Variants in ARHGEF38 observed in about 807,000 individuals in gnomAD.
The protein encoded by ARHGEF38 is Rho guanine nucleotide exchange factor (GEF) 38.
In ARHGEF38, 79 loss-of-function variants were observed where a neutral mutation model predicts 79.9. The ratio of observed to expected loss-of-function variants is 0.99; its 90% confidence interval spans 0.82 to 1.19. ARHGEF38 has a LOEUF of 1.19. Ranked by LOEUF, ARHGEF38 falls within the 50% of genes most tolerant of loss-of-function variation. The pLI, the probability that ARHGEF38 is intolerant of heterozygous loss-of-function variation, is 0.00. For missense variants in ARHGEF38, 962 were observed against 907.2 expected (o/e 1.06, Z -0.78); for synonymous variants, 366 against 328.3 (o/e 1.11, Z -1.24).
At chr4:105,560,915 A>G (rs1451262681) in intron 1 of ARHGEF38, among the ~76,000 whole-genome samples, 1 of 152,174 alleles carries the variant, frequency 6.6e-6, no homozygotes, top group Non-Finnish European at 1.5e-5. Flanking sequence ...GTTGATGAAG[A>G]CATTGTTTAC....
chr4:105,579,995 CT>C (rs1726704031), intron 1 of ARHGEF38, among the ~76,000 whole-genome samples: 1 of 152,166 alleles, frequency 6.6e-6, no homozygotes, highest in South Asian at 2.1e-4. Context: ...TCCATTTCAT[CT>C]AGATTTTCTA....
intron 1 of ARHGEF38, among the ~76,000 whole-genome samples, chr4:105,573,567 TTC>T (rs1459972457): frequency 1.3e-5 from 2 of 152,330 alleles, no homozygotes; most frequent in East Asian, 3.9e-4. Context: ...TGGTTCTTTA[TTC>T]TGTTTCATTA....
At chr4:105,560,670 G>A (rs561595164) in intron 1 of ARHGEF38, among the ~76,000 whole-genome samples, 2 of 152,150 alleles carry the variant, frequency 1.3e-5, no homozygotes, top group Non-Finnish European at 2.9e-5. Flanking sequence ...TAAATGAATA[G>A]TCTAAGATAC....
At chr4:105,583,422 G>A (rs1578277524) in intron 1 of ARHGEF38, among the ~76,000 whole-genome samples, 1 of 152,204 alleles carries the variant, frequency 6.6e-6, no homozygotes, top group South Asian at 2.1e-4. Flanking sequence ...TCTGCTTCCT[G>A]TTCCTTAAAT....
At position 105,678,620 on chromosome 4, in the gene ARHGEF38, C is replaced by T. The variant is rs1731199369; in HGVS notation, c.*683C>T. 1 of 152,098 alleles carries T rather than the reference C, an allele frequency of 6.6e-6. No individual in the cohort carries two copies. Among genetic ancestry groups the T allele is most frequent in the Admixed American group, 6.6e-5 (1 of 15,266 alleles). 9.4% of individuals were successfully genotyped at this position (152,098 alleles called of 1,614,324 possible). A position where few individuals can be genotyped will look rare whatever the true frequency, so the allele number is the denominator to read the frequency against. On this transcript the variant is annotated 3_prime_UTR_variant, in exon 14 of 14. Coordinates refer to ENST00000420470, the MANE Select transcript of ARHGEF38 (RefSeq NM_001242729.2). ...GTTCTAAGTGCTTTATATGTAGTAA[C>T]TTGTTTAATATTCAAAACATTATGA...
intron 1 of ARHGEF38, among the ~76,000 whole-genome samples, chr4:105,573,866 C>A (rs898345509): frequency 6.6e-6 from 1 of 151,948 alleles, no homozygotes; most frequent in Admixed American, 6.5e-5. Context: ...CATATCTTCT[C>A]ATGTATTTAT....
At position 105,631,027 on chromosome 4, in the gene ARHGEF38, A is replaced by T. The variant is rs1009661747; in HGVS notation, c.638A>T (p.His213Leu). ...GAAGAGCTGAAGGAACATTTGAGCC[A>T]CTGTATCCAGTCCTTAAAGTAAGGC... is the stretch of plus-strand genomic sequence containing the variant. ...KEEELKEHLS[H>L]CIQSLKKIYM... Residue 213 changes from histidine to leucine, a missense_variant, in exon 4 of 14, where the codon CAC becomes CTC. Coordinates refer to ENST00000420470, the MANE Select transcript of ARHGEF38 (RefSeq NM_001242729.2). The T allele has an allele frequency of 4.3e-6, 7 of 1,613,292 alleles. No individual in the cohort carries two copies. In the African/African-American group the frequency reaches 9.3e-5, roughly 22 times the overall value.
At chr4:105,561,469 A>AGAATAGAATAGAATAGAATG (rs1725585127) in intron 1 of ARHGEF38, 1 of 49,660 alleles carries the variant, frequency 2.0e-5, no homozygotes, top group Non-Finnish European at 4.1e-5. Context: ...AGAATAGAAT[A>AGAATAGAATAGAATAGAATG]GAATAGAATA....
chr4:105,608,353 T>A (rs1728144082), intron 2 of ARHGEF38, among the ~76,000 whole-genome samples: 1 of 152,074 alleles, frequency 6.6e-6, no homozygotes, highest in Admixed American at 6.6e-5. Context: ...ACCACTTTTA[T>A]GTCTTCTTTT....
intron 1 of ARHGEF38, among the ~76,000 whole-genome samples, chr4:105,573,763 A>C (rs115439980): frequency 0.027 from 4,081 of 152,122 alleles, 180 homozygotes; most frequent in African/African-American, 0.091. Context: ...TCTACAAAAA[A>C]AAATTGGAAT....
chr4:105,563,211 A>G (rs1454779841), intron 1 of ARHGEF38: 1 of 152,228 alleles, frequency 6.6e-6, no homozygotes, highest in Non-Finnish European at 1.5e-5. Context: ...CAAATAAAGC[A>G]ATATAGGAGC....
chr4:105,669,973 T>C (rs1730905168), intron 13 of ARHGEF38, among the ~76,000 whole-genome samples: 1 of 152,228 alleles, frequency 6.6e-6, no homozygotes, highest in African/African-American at 2.4e-5. Flanking sequence ...ATATGTACTT[T>C]GTTGCTTTTT....
intron 13 of ARHGEF38, among the ~76,000 whole-genome samples, chr4:105,670,861 T>C (rs1730935659): frequency 6.6e-6 from 1 of 152,196 alleles, no homozygotes; most frequent in South Asian, 2.1e-4. Flanking sequence ...GATGTTGAGT[T>C]CTTGTTCTTA....
chr4:105,596,362 T>C (rs1727579688), intron 2 of ARHGEF38, among the ~76,000 whole-genome samples: 2 of 152,088 alleles, frequency 1.3e-5, no homozygotes, highest in Non-Finnish European at 1.5e-5. Flanking sequence ...TTCCTGCTTG[T>C]GCCCCCCACC....
chr4:105,611,957 A>G (rs1728313100), intron 2 of ARHGEF38, among the ~76,000 whole-genome samples: 1 of 152,142 alleles, frequency 6.6e-6, no homozygotes, highest in Non-Finnish European at 1.5e-5. Flanking sequence ...AAAATTTCCC[A>G]AGATGGTTGA....
chr4:105,624,481 C>G (rs528582335), intron 3 of ARHGEF38, among the ~76,000 whole-genome samples: 33 of 152,210 alleles, frequency 2.2e-4, no homozygotes, highest in South Asian at 4.2e-4. Context: ...CCACCTGCTG[C>G]CTGTATTTGG....
At chr4:105,676,532 T>G (rs1388880211) in intron 13 of ARHGEF38, among the ~76,000 whole-genome samples, 1 of 152,212 alleles carries the variant, frequency 6.6e-6, no homozygotes, top group Admixed American at 6.5e-5. Context: ...ATTGCTTAAA[T>G]AAATGAATGG....
In ARHGEF38 at chr4:105,661,519, G is replaced by T. The variant is rs576507587; in HGVS notation, c.1545+2154G>T. On this transcript the variant is annotated intron_variant, in intron 10 of 13. Coordinates refer to ENST00000420470, the MANE Select transcript of ARHGEF38 (RefSeq NM_001242729.2). ...TATTATTATTATTATTATTATTATT[G>T]TTATAGCTATCCTAATGGGTGTGCA... Among the ~76,000 whole-genome samples the T allele has an allele frequency of 3.2e-3, 438 of 138,526 alleles. 1 individual carries two copies. The highest frequency in any genetic ancestry group is 0.011 in the African/African-American group (424 of 37,032). 90.9% of individuals were successfully genotyped at this position (138,526 alleles called of 152,430 possible).
intron 2 of ARHGEF38, among the ~76,000 whole-genome samples, chr4:105,593,296 G>C (rs913608259): frequency 9.9e-5 from 15 of 152,034 alleles, no homozygotes; most frequent in African/African-American, 3.4e-4. Context: ...CAGCACTTTG[G>C]AAAGATCAGC....
Sources: allele counts gnomAD v4.1 joint callset (sites outside exome capture counted in the v4.1 genomes callset), GRCh38; gene constraint gnomAD v4.1.1; transcripts MANE v1.5; gene names NCBI Gene and HGNC (gene_info 2026-07-23, HGNC 2026-07-21).